The following MRPL1 variants were observed in gnomAD, a reference collection of about 807,000 sequenced individuals.
The protein encoded by MRPL1 is mitochondrial ribosomal protein L1, also known as large ribosomal subunit protein uL1m.
In MRPL1, 28 loss-of-function variants were observed where a neutral mutation model predicts 38.0. The observed-to-expected ratio is 0.74, with a 90% CI of 0.55 to 1.01. The LOEUF is 1.01. Ranked by LOEUF, MRPL1 falls within the 50% of genes least tolerant of loss-of-function variation. The probability of loss-of-function intolerance (pLI) is 0.00; values close to 1 mark genes in which losing one functional copy is unlikely to be tolerated. For synonymous variants in MRPL1, 123 were observed against 126.7 expected, an observed-to-expected ratio of 0.97 and a Z score of 0.20; for missense variants, 358 against 389.8, an observed-to-expected ratio of 0.92 and a Z score of 0.69.
At chr4:77,944,560 T>C (rs1485885177) in intron 7 of MRPL1, among the ~76,000 whole-genome samples, 1 of 152,190 alleles carries the variant, frequency 6.6e-6, no homozygotes, top group Non-Finnish European at 1.5e-5. Flanking sequence ...GATTGTAATC[T>C]CAAGGGCGAG....
At chr4:77,902,375 ACCGGCTT>A in intron 6 of MRPL1, among the ~76,000 whole-genome samples, 1 of 142,796 alleles carries the variant, frequency 7.0e-6, no homozygotes. Context: ...ACATAGTGAG[ACCGGCTT>A]TCTAAAAAAA....
At chr4:77,910,470 C>G (rs1190202048) in intron 7 of MRPL1, among the ~76,000 whole-genome samples, 1 of 152,150 alleles carries the variant, frequency 6.6e-6, no homozygotes, top group East Asian at 1.9e-4. Context: ...AACCCCATCT[C>G]TATAAAAAAT....
intron 1 of MRPL1, 124 bp downstream of exon 1, chr4:77,863,003 T>C: frequency 8.2e-7 from 1 of 1,225,762 alleles, no homozygotes; most frequent in South Asian, 1.3e-5. Context: ...GGTCTCTAGG[T>C]TTTTCAGAGG....
At chr4:77,875,774 C>T (rs971071871) in intron 2 of MRPL1, among the ~76,000 whole-genome samples, 7 of 151,912 alleles carry the variant, frequency 4.6e-5, no homozygotes, top group African/African-American at 9.7e-5. Flanking sequence ...AAGATGAATA[C>T]GGAGGTGGCA....
At chr4:77,938,363 A>G (rs1737037670) in intron 7 of MRPL1, among the ~76,000 whole-genome samples, 1 of 152,248 alleles carries the variant, frequency 6.6e-6, no homozygotes, top group Non-Finnish European at 1.5e-5. Context: ...TTATCTGCTT[A>G]GAAACATCAA....
At chr4:77,895,239 A>G (rs968616902) in intron 6 of MRPL1, among the ~76,000 whole-genome samples, 1 of 152,146 alleles carries the variant, frequency 6.6e-6, no homozygotes, top group African/African-American at 2.4e-5. Context: ...AAACCAGTTC[A>G]GGTACAATGG....
intron 7 of MRPL1, among the ~76,000 whole-genome samples, chr4:77,924,664 A>C (rs928750073): frequency 6.6e-6 from 1 of 151,996 alleles, no homozygotes; most frequent in African/African-American, 2.4e-5. Flanking sequence ...TCTCCTTCCT[A>C]CTAGAGTGTT....
intron 7 of MRPL1, among the ~76,000 whole-genome samples, chr4:77,910,091 A>G (rs1736252227): frequency 6.6e-6 from 1 of 152,144 alleles, no homozygotes; most frequent in South Asian, 2.1e-4. Flanking sequence ...ATTCTAAACA[A>G]TTTTTGTATA....
chr4:77,878,284 C>T (rs894941655), intron 2 of MRPL1, among the ~76,000 whole-genome samples: 16 of 152,170 alleles, frequency 1.1e-4, no homozygotes, highest in African/African-American at 1.9e-4. Context: ...GGAAACAGAA[C>T]TTCTGCATTT....
At chr4:77,935,541 C>T (rs1355463337) in intron 7 of MRPL1, among the ~76,000 whole-genome samples, 1 of 151,896 alleles carries the variant, frequency 6.6e-6, no homozygotes, top group Non-Finnish European at 1.5e-5. Flanking sequence ...ATTACAGGTG[C>T]CCGCCATCAT....
intron 5 of MRPL1, 77 bp from the exon 6 acceptor site, chr4:77,894,062 A>G: frequency 1.3e-6 from 1 of 798,458 alleles, no homozygotes; most frequent in Non-Finnish European, 2.1e-6. Flanking sequence ...TATAAAGGAA[A>G]TGACTACATT....
intron 7 of MRPL1, among the ~76,000 whole-genome samples, chr4:77,944,449 G>T (rs184565975): frequency 4.6e-5 from 7 of 151,814 alleles, no homozygotes; most frequent in Non-Finnish European, 7.4e-5. Context: ...ACCTTTTTTC[G>T]TGATGAGTAA....
At chr4:77,915,469 G>A (rs1736400666) in intron 7 of MRPL1, among the ~76,000 whole-genome samples, 1 of 152,094 alleles carries the variant, frequency 6.6e-6, no homozygotes. Context: ...TATCACCCAA[G>A]CTGGAGTACA....
At chr4:77,906,189 G>A (rs188212048) in intron 6 of MRPL1, among the ~76,000 whole-genome samples, 113 of 152,282 alleles carry the variant, frequency 7.4e-4, no homozygotes, top group Admixed American at 3.6e-3. Context: ...TAGCCAGTGA[G>A]AATCATGTTT....
At chr4:77,888,722 T>C (rs1227179045) in intron 5 of MRPL1, among the ~76,000 whole-genome samples, 1 of 152,148 alleles carries the variant, frequency 6.6e-6, no homozygotes, top group Non-Finnish European at 1.5e-5. Flanking sequence ...ATGGAATTTT[T>C]TTTATTATAC....
At chr4:77,928,543 A>G (rs1736770281) in intron 7 of MRPL1, among the ~76,000 whole-genome samples, 1 of 152,190 alleles carries the variant, frequency 6.6e-6, no homozygotes, top group Admixed American at 6.5e-5. Flanking sequence ...TGTGTCATAA[A>G]TAAGGGAATT....
At chr4:77,878,658 T>A (rs1238656562) in intron 2 of MRPL1, among the ~76,000 whole-genome samples, 2 of 152,088 alleles carry the variant, frequency 1.3e-5, no homozygotes, top group Admixed American at 1.3e-4. Flanking sequence ...GGCGGGCAGA[T>A]CACAAGGTCT....
At chr4:77,877,574 TG>T (rs1735427755) in intron 2 of MRPL1, among the ~76,000 whole-genome samples, 1 of 149,068 alleles carries the variant, frequency 6.7e-6, no homozygotes, top group Non-Finnish European at 1.5e-5. Flanking sequence ...TTCCTGGTGA[TG>T]GGTGTTGGGA....
At chr4:77,905,263 G>A (rs1249597256) in intron 6 of MRPL1, among the ~76,000 whole-genome samples, 1 of 152,012 alleles carries the variant, frequency 6.6e-6, no homozygotes, top group Non-Finnish European at 1.5e-5. Context: ...TTGGGAGGCC[G>A]AGGCAGGAGG....
Sources: gnomAD v4.1 joint callset for allele counts (sites outside exome capture counted in the v4.1 genomes callset) on GRCh38, gnomAD v4.1.1 for gene constraint, MANE v1.5 for transcripts, NCBI Gene and HGNC (gene_info 2026-07-23, HGNC 2026-07-21) for gene names.